PLEC: variants seen among roughly 807,000 people sequenced by gnomAD.
PLEC encodes the protein plectin.
In PLEC, 216 loss-of-function variants were observed where a neutral mutation model predicts 392.8. The observed-to-expected ratio is 0.55, with a 90% CI of 0.49 to 0.62. The LOEUF (loss-of-function observed/expected upper bound fraction) is 0.62. Among genes scored for constraint, PLEC ranks in the 20% least tolerant of loss-of-function variants. The pLI, the probability that PLEC is intolerant of heterozygous loss-of-function variation, is 0.00. For synonymous variants in PLEC, 3,621 were observed against 2,980.6 expected (o/e 1.21, Z -7.00); for missense variants, 6,863 against 6,563.4 (o/e 1.05, Z -1.58).
chr8:143,935,857 T>C lies in PLEC; in HGVS notation c.593A>G (p.His198Arg). 1 of 1,612,798 alleles carries C rather than the reference T, an allele frequency of 6.2e-7. No homozygotes were observed. Among genetic ancestry groups the C allele is most frequent in the Non-Finnish European group, 8.5e-7 (1 of 1,179,940 alleles). The change falls in exon 6 of 32, where the codon CAC becomes CGC. Residue 198 changes from histidine to arginine, a missense_variant. Physicochemically the swap from His to Arg is conservative, Grantham distance 29. Coordinates refer to ENST00000345136, the MANE Select transcript of PLEC (RefSeq NM_201384.3). Reference protein sequence around the residue: ...RDGRLFNAIIHRHKPLLIDMN... With the variant: ...RDGRLFNAIIRRHKPLLIDMN... ...CCCCGGGGCCATGTACTTGTGCCGG[T>C]GGATGATGGCATTGAAGAGGCGGCC... is the stretch of plus-strand genomic sequence containing the variant.
At position 143,930,385 on chromosome 8, in the gene PLEC, T is replaced by C; in HGVS notation, c.2456A>G (p.Glu819Gly). ...LLAVCDYKQV[E>G]VTVHKGDECQ... ...AGTGGACCCCCGGCCTGCGCTCACC[T>C]CCACCTGCTTATAGTCGCACACGGC... Residue 819 changes from glutamate (E) to glycine (G), a missense_variant and splice_region_variant, in exon 20 of 32, where the codon GAG becomes GGG. Coordinates refer to ENST00000345136, the MANE Select transcript of PLEC (RefSeq NM_201384.3). The C allele has an allele frequency of 6.4e-7, 1 of 1,571,576 alleles. No homozygotes were observed. Among genetic ancestry groups the C allele is most frequent in the Non-Finnish European group, 8.6e-7 (1 of 1,162,564 alleles).
Position 143,926,989 on chromosome 8 carries a change from ACT to A in PLEC, c.3931_3932del (p.Ser1311CysfsTer41). The A allele has an allele frequency of 1.9e-6, 3 of 1,612,860 alleles. No homozygotes were observed. The highest frequency in any genetic ancestry group is 2.5e-6 in the Non-Finnish European group (3 of 1,179,792). Reference protein sequence around the residue: ...KKPKVQSGSESVIQEYVDLRT... With the variant: ...KKPKVQSGSEXVIQEYVDLRT... ...GGCCCCACCCTACCTCCTGGATGAC[ACT>A]CTCTGATCCCGACTGGACCTTGGGC... On this transcript the variant is annotated frameshift_variant, in exon 29 of 32. Transcript: ENST00000345136. LOFTEE classifies it high-confidence loss of function.
chr8:143,967,362 C>CAAAAA (rs869137248), intron 1 of PLEC, among the ~76,000 whole-genome samples: 11 of 46,848 alleles, frequency 2.3e-4, no homozygotes, highest in Non-Finnish European at 3.2e-4. Flanking sequence ...GACTCCATCT[C>CAAAAA]AAAAAAAAAA....
Position 143,924,399 on chromosome 8 carries a change from C to T in PLEC, c.5530G>A (p.Glu1844Lys), listed in dbSNP as rs782589457. The T allele has an allele frequency of 5.6e-6, 9 of 1,594,330 alleles. No individual in the cohort carries two copies. The highest frequency in any genetic ancestry group is 2.2e-5 in the East Asian group (1 of 44,594). Residue 1844 changes from glutamate to lysine, a missense_variant, in exon 31 of 32, where the codon GAG becomes AAG. Coordinates refer to ENST00000345136, the MANE Select transcript of PLEC (RefSeq NM_201384.3). The part of the protein sequence containing the change: ...VLAEKLAAIG[E>K]ATRLKTEAEI... ...GCCTCCGTCTTGAGCCGCGTGGCCT[C>T]GCCGATGGCGGCCAGCTTCTCCGCA...
At position 143,923,115 on chromosome 8, in the gene PLEC, T is replaced by A; in HGVS notation, c.6814A>T (p.Lys2272Ter). The A allele has an allele frequency of 6.2e-7, 1 of 1,605,012 alleles. No homozygotes were observed. Among genetic ancestry groups the A allele is most frequent in the Non-Finnish European group, 8.5e-7 (1 of 1,179,798 alleles). Residue 2272 changes from lysine to a stop codon, truncating the protein, a stop_gained, in exon 31 of 32, where the codon AAG becomes TAG. Coordinates refer to ENST00000345136, the MANE Select transcript of PLEC (RefSeq NM_201384.3). LOFTEE classifies it high-confidence loss of function. ...TQRFLQEEAE[K>*]MKQVAEEAAR... ...GCCTCCTCCGCCACCTGCTTCATCTTCTCAGCCTCCTCCTGCAGGAAGCGC... is the reference window on the plus strand; with the variant it reads ...GCCTCCTCCGCCACCTGCTTCATCTACTCAGCCTCCTCCTGCAGGAAGCGC...
chr8:143,958,331 A>G (rs1832704673), upstream of PLEC, among the ~76,000 whole-genome samples: 1 of 152,106 alleles, frequency 6.6e-6, no homozygotes, highest in South Asian at 2.1e-4. The surrounding 1 kb of genome is among the most constrained non-coding windows in gnomAD (Gnocchi z 4.9). Flanking sequence ...AGGGCCCAGG[A>G]GGCACAGAGG....
intron 12 of PLEC, among the ~76,000 whole-genome samples, chr8:143,933,715 C>T (rs1444356208): frequency 6.6e-6 from 1 of 152,234 alleles, no homozygotes; most frequent in Non-Finnish European, 1.5e-5. Flanking sequence ...CCTCCCCTAA[C>T]AGTAAGCCGC....
In PLEC at chr8:143,933,309, C is replaced by T. The variant is rs1554719293; in HGVS notation, c.1306G>A (p.Gly436Arg). The change falls in exon 13 of 32, where the codon GGG becomes AGG. Residue 436 changes from glycine to arginine, a missense_variant. Transcript: ENST00000345136. ...LAAGKVPQRA[G>R]EVERDLDKAD... ...TTGTCCAAGTCCCGTTCCACCTCCC[C>T]CGCCCGCTGTGGCACTTTGCCTGCA... The T allele has an allele frequency of 6.2e-7, 1 of 1,612,890 alleles. No individual in the cohort carries two copies. The highest frequency in any genetic ancestry group is 1.7e-5 in the Admixed American group (1 of 60,028).
rs113137721 is a variant in PLEC at position 143,917,827 on chromosome 8, G to A, written c.11994C>T (p.Pro3998=). ...EEAVRMGIVG[P]EFKDKLLSAE... ...CCGACAGCAGCTTGTCCTTGAACTC[G>A]GGGCCCACAATGCCCATACGCACAG... Residue 3998 remains proline, a synonymous_variant, in exon 32 of 32, where the codon CCC becomes CCT. Transcript: ENST00000345136. 4,014 of 1,613,386 alleles carry A rather than the reference G, an allele frequency of 2.5e-3. 10 individuals carry two copies. The highest frequency in any genetic ancestry group is 7.3e-3 in the Middle Eastern group (44 of 6,062).
In PLEC at chr8:143,917,970, G is replaced by C; in HGVS notation, c.11851C>G (p.Gln3951Glu). ...CGGATGATGCCCTTCTTCATGGCCT[G>C]GTACACCGAGAGCCGTTCCTTGGTG... ...DATKERLSVYQAMKKGIIRPG... is the reference protein window; with the variant it reads ...DATKERLSVYEAMKKGIIRPG... Residue 3951 changes from glutamine (Q) to glutamate (E), a missense_variant, in exon 32 of 32, where the codon CAG becomes GAG. Transcript: ENST00000345136. The C allele has an allele frequency of 1.2e-6, 2 of 1,612,824 alleles. No individual in the cohort carries two copies. Among genetic ancestry groups the C allele is most frequent in the Non-Finnish European group, 1.7e-6 (2 of 1,179,982 alleles).
In PLEC at chr8:143,925,501, C is replaced by T. The variant is rs1371692716; in HGVS notation, c.4428G>A (p.Gln1476=). 8.1e-6 allele frequency: 13 copies of T among 1,595,978 alleles called. No individual in the cohort carries two copies. Among genetic ancestry groups the T allele is most frequent in the African/African-American group, 1.3e-5 (1 of 74,892 alleles). The change falls in exon 31 of 32, where the codon CAG becomes CAA. Residue 1476 remains glutamine (Q), a synonymous_variant. Coordinates refer to ENST00000345136, the MANE Select transcript of PLEC (RefSeq NM_201384.3). ...RQRGGAEGEL[Q]ALRARAEEAE... ...CCTCCTCCGCCCGTGCACGCAGTGC[C>T]TGCAGCTCCCCCTCAGCCCCGCCAC...
intron 18 of PLEC, 95 bp downstream of exon 18, chr8:143,931,842 G>C (rs1286687714): frequency 8.4e-6 from 12 of 1,423,708 alleles, no homozygotes; most frequent in Non-Finnish European, 1.2e-5. Context: ...AACGTCTGCA[G>C]ACAGGAGGGC....
rs1828891782 is a variant in PLEC at position 143,935,807 on chromosome 8, G to A, written c.602+41C>T. On this transcript the variant is annotated intron_variant, in intron 6 of 31. Transcript: ENST00000345136. ...GTTGCCTAGTGGAGGCGCTGTGGGG[G>A]TGCCCCCAGCCCACAGCCCCCTGCC... The A allele has an allele frequency of 3.7e-6, 6 of 1,600,964 alleles. No individual in the cohort carries two copies. The East Asian group carries it at 1.3e-4, about 36-fold the overall frequency.
At chr8:143,939,220 C>A in intron 1 of PLEC, 130 bp downstream of exon 1, 1 of 1,283,140 alleles carries the variant, frequency 7.8e-7, no homozygotes, top group Non-Finnish European at 1.1e-6. Flanking sequence ...GTGGGGATGG[C>A]TGGCCCCCGA....
At chr8:143,943,793 G>A (rs782610872), upstream of PLEC, 38 of 1,611,638 alleles carry the variant, frequency 2.4e-5, no homozygotes, top group Admixed American at 6.7e-5. Context: ...CTCGTCCTGC[G>A]CCCACCGACG....
intron 1 of PLEC, among the ~76,000 whole-genome samples, chr8:143,966,893 C>T (rs1406118274): frequency 1.3e-5 from 2 of 152,186 alleles, no homozygotes; most frequent in Non-Finnish European, 2.9e-5. Context: ...ATCTCGACCT[C>T]AGCCCCAAGC....
At position 143,920,754 on chromosome 8, in the gene PLEC, C is replaced by T. The variant is rs782554513; in HGVS notation, c.9067G>A (p.Ala3023Thr). ...AGCCATACACCCGCGATGACGTTGG[C>T]ACCCCGGAGAGCCCGCCGCACAGTG... ...VDTVRRALRG[A>T]NVIAGVWLEE... is the part of the protein sequence containing the mutation. The change falls in exon 32 of 32, where the codon GCC (alanine) becomes ACC (threonine). Residue 3023 changes from alanine (A) to threonine (T), a missense_variant. By Grantham distance (58) the Ala-to-Thr change is moderately conservative (BLOSUM62 0). Transcript: ENST00000345136. The T allele has an allele frequency of 1.2e-6, 2 of 1,605,540 alleles. No homozygotes were observed. The highest frequency in any genetic ancestry group is 1.7e-6 in the Non-Finnish European group (2 of 1,179,914).
Position 143,916,513 on chromosome 8 carries a change from G to A in PLEC, c.13308C>T (p.Thr4436=), listed in dbSNP as rs782527767. The change falls in exon 32 of 32, where the codon ACC becomes ACT. Residue 4436 remains threonine, a synonymous_variant. Transcript: ENST00000345136. The part of the protein sequence containing the change: ...RDVGAYSKYL[T]CPKTKLKISY... ...AGATCTTGAGCTTGGTCTTAGGGCA[G>A]GTGAGGTACTTGGAGTAGGCGCCCA... 29 of 1,611,722 alleles carry A rather than the reference G, an allele frequency of 1.8e-5. No homozygotes were observed. The highest frequency in any genetic ancestry group is 2.5e-5 in the Non-Finnish European group (29 of 1,179,488).
upstream of PLEC, among the ~76,000 whole-genome samples, chr8:143,942,001 C>T (rs996040510): frequency 6.6e-6 from 1 of 152,142 alleles, no homozygotes; most frequent in Non-Finnish European, 1.5e-5. Flanking sequence ...AGGATGGAAA[C>T]CCCAAGACTG....
Sources: allele counts gnomAD v4.1 joint callset (sites outside exome capture counted in the v4.1 genomes callset), GRCh38; gene constraint gnomAD v4.1.1; non-coding constraint Gnocchi (gnomAD v3.1); transcripts MANE v1.5; gene names NCBI Gene and HGNC (gene_info 2026-07-23, HGNC 2026-07-21).